The following ZBTB16 variants were observed in gnomAD, a reference collection of about 807,000 sequenced individuals.
ZBTB16 encodes the protein zinc finger and BTB domain-containing protein 16.
ZBTB16 carries 8 observed loss-of-function variants against 56.8 expected under a neutral mutation model. That is an observed-to-expected ratio of 0.14 (90% CI 0.08 to 0.25). The LOEUF (loss-of-function observed/expected upper bound fraction) is 0.25, where lower values mean the gene tolerates loss of function less well. Ranked by LOEUF, ZBTB16 falls within the 10% of genes least tolerant of loss-of-function variation. The pLI, the probability that ZBTB16 is intolerant of heterozygous loss-of-function variation, is 1.00. For synonymous variants in ZBTB16, 363 were observed against 368.5 expected (o/e 0.98, Z 0.17); for missense variants, 625 against 903.0 (o/e 0.69, Z 3.95).
intron 4 of ZBTB16, among the ~76,000 whole-genome samples, chr11:114,193,930 AC>A (rs1430841637): frequency 6.6e-6 from 1 of 152,234 alleles, no homozygotes; most frequent in Non-Finnish European, 1.5e-5. Flanking sequence ...GAAGTAGAGA[AC>A]TGGAACTTGA....
At chr11:114,247,145 T>C in intron 5 of ZBTB16, 53 bp from the exon 6 acceptor site, 1 of 1,613,812 alleles carries the variant, frequency 6.2e-7, no homozygotes, top group Non-Finnish European at 8.5e-7. Flanking sequence ...TACTGTCCCC[T>C]GAAGAGGGGG....
rs749511768 is a variant in ZBTB16 at position 114,250,519 on chromosome 11, G to C, written c.1986G>C (p.Arg662Ser). ...HKPEEIPPDW[R>S]IEKTYLYLCY... ...CCGAGGAGATCCCGCCCGACTGGAG[G>C]ATAGAGAAGACGTACCTCTACCTGT... Residue 662 changes from arginine to serine, a missense_variant, in exon 7 of 7, where the codon AGG becomes AGC. Transcript: ENST00000335953. The surrounding 1 kb of genome is among the most constrained non-coding windows in gnomAD (Gnocchi z 6.0). 2.1e-5 allele frequency: 34 copies of C among 1,614,082 alleles called. No individual in the cohort carries two copies. The highest frequency in any genetic ancestry group is 2.8e-5 in the Non-Finnish European group (33 of 1,180,036).
At chr11:114,086,604 TAG>T (rs1337593915) in intron 2 of ZBTB16, among the ~76,000 whole-genome samples, 7 of 152,214 alleles carry the variant, frequency 4.6e-5, no homozygotes, top group Non-Finnish European at 2.9e-5. Flanking sequence ...CAGTAAATAA[TAG>T]CTAATTGAGC....
At chr11:114,086,279 TCC>T (rs1939953987) in intron 2 of ZBTB16, among the ~76,000 whole-genome samples, 2 of 152,056 alleles carry the variant, frequency 1.3e-5, no homozygotes, top group Non-Finnish European at 2.9e-5. Context: ...CATTCACTAC[TCC>T]CCCACCCCCA....
At chr11:114,115,620 C>T (rs767513483) in intron 2 of ZBTB16, among the ~76,000 whole-genome samples, 5 of 152,266 alleles carry the variant, frequency 3.3e-5, no homozygotes, top group African/African-American at 9.6e-5. Flanking sequence ...CTTTCCTTCC[C>T]GTCTTTCTGA....
intron 4 of ZBTB16, among the ~76,000 whole-genome samples, chr11:114,233,125 A>ACACTCT (rs1443230792): frequency 7.3e-5 from 4 of 54,720 alleles, no homozygotes; most frequent in African/African-American, 2.1e-4. Flanking sequence ...ACACACACAC[A>ACACTCT]CTCTCTCTCT....
chr11:114,133,454 G>C (rs1941718435), intron 2 of ZBTB16, among the ~76,000 whole-genome samples: 1 of 152,112 alleles, frequency 6.6e-6, no homozygotes, highest in African/African-American at 2.4e-5. Context: ...CCTCTCCAAA[G>C]TTCACTCTGA....
At chr11:114,188,647 T>C (rs987083342) in intron 4 of ZBTB16, 2 of 152,206 alleles carry the variant, frequency 1.3e-5, no homozygotes, top group African/African-American at 4.8e-5. Flanking sequence ...TGGCACTGTT[T>C]AGGCATTTAA....
At chr11:114,161,351 C>T (rs904627459) in intron 3 of ZBTB16, among the ~76,000 whole-genome samples, 1 of 152,074 alleles carries the variant, frequency 6.6e-6, no homozygotes, top group African/African-American at 2.4e-5. Context: ...ATTTTTGGAG[C>T]CAGAGGATGT....
At chr11:114,170,750 C>A (rs533129646) in intron 3 of ZBTB16, among the ~76,000 whole-genome samples, 22 of 152,292 alleles carry the variant, frequency 1.4e-4, no homozygotes, top group African/African-American at 4.8e-4. Context: ...GCACAGGGAG[C>A]TCATTGGCGG....
rs1157994164 is a variant in ZBTB16, at chr11:114,063,195, C to G, written c.-90-16C>G. 7.8e-7 allele frequency: 1 copy of G among 1,284,646 alleles called. No individual in the cohort carries two copies. Among genetic ancestry groups the G allele is most frequent in the African/African-American group, 1.5e-5 (1 of 67,782 alleles). The allele number at this position is 1,284,646 out of a possible 1,614,324, so 79.6% of individuals were successfully genotyped here. On this transcript the variant is annotated splice_polypyrimidine_tract_variant and intron_variant, in intron 1 of 6. Coordinates refer to ENST00000335953, the MANE Select transcript of ZBTB16 (RefSeq NM_006006.6). The surrounding 1 kb of genome is among the most constrained non-coding windows in gnomAD (Gnocchi z 6.5). ...TCTCTCATCTCTTTTGCTTCTTCCC[C>G]TCTTCTTTCTCCTAGCCTCCTCTAT...
At chr11:114,149,779 C>T (rs1942238908) in intron 2 of ZBTB16, among the ~76,000 whole-genome samples, 1 of 152,206 alleles carries the variant, frequency 6.6e-6, no homozygotes, top group South Asian at 2.1e-4. Context: ...TCCCTTATGC[C>T]TTGAGAAAAT....
intron 2 of ZBTB16, among the ~76,000 whole-genome samples, chr11:114,133,207 A>G (rs1294769082): frequency 6.6e-6 from 1 of 151,904 alleles, no homozygotes; most frequent in Admixed American, 6.6e-5. Flanking sequence ...CTCTTGGTGG[A>G]CGGGTCCATT....
At chr11:114,079,900 G>T (rs1226902193) in intron 2 of ZBTB16, among the ~76,000 whole-genome samples, 1 of 152,158 alleles carries the variant, frequency 6.6e-6, no homozygotes, top group Non-Finnish European at 1.5e-5. Flanking sequence ...GATTGCCTGG[G>T]ACTGGGAAGA....
intron 4 of ZBTB16, among the ~76,000 whole-genome samples, chr11:114,214,679 C>G (rs1944060249): frequency 6.6e-6 from 1 of 152,170 alleles, no homozygotes; most frequent in Non-Finnish European, 1.5e-5. Flanking sequence ...TTTTGGCTCA[C>G]TGCAATCTCC....
intron 2 of ZBTB16, among the ~76,000 whole-genome samples, chr11:114,065,563 C>T (rs781562103): frequency 1.3e-5 from 2 of 152,250 alleles, no homozygotes; most frequent in South Asian, 2.1e-4. Flanking sequence ...ATTACAGGCA[C>T]GCACCACCAT....
intron 4 of ZBTB16, among the ~76,000 whole-genome samples, chr11:114,222,796 G>A (rs999725647): frequency 6.6e-6 from 1 of 152,146 alleles, no homozygotes; most frequent in Non-Finnish European, 1.5e-5. Context: ...CATATGCTGC[G>A]AAAATTGATC....
Position 114,225,870 on chromosome 11 carries a change from A to G in ZBTB16, c.1454-16297A>G, listed in dbSNP as rs1020582073. Among the ~76,000 whole-genome samples the G allele has an allele frequency of 3.3e-5, 5 of 152,332 alleles. No homozygotes were observed. In the South Asian group the frequency reaches 6.2e-4, roughly 19 times the overall value. ...CTAATCATGTGACACTGTGATAGAC[A>G]TTGTTCATATATTATCTCTAATCTG... On this transcript the variant is annotated intron_variant, in intron 4 of 6. Coordinates refer to ENST00000335953, the MANE Select transcript of ZBTB16 (RefSeq NM_006006.6).
rs1190243179 is a variant in ZBTB16 at position 114,063,264 on chromosome 11, G to A, written c.-37G>A. ...CAGCCCCGCCACGCAGAGCCCAGAA[G>A]GAAAGAAAGCCTCATGCCTGAGCCG... On this transcript the variant is annotated 5_prime_UTR_variant, in exon 2 of 7. Coordinates refer to ENST00000335953, the MANE Select transcript of ZBTB16 (RefSeq NM_006006.6). This position sits in a 1 kb window ranked among gnomAD's most constrained non-coding sequence, Gnocchi z 6.5. 2.5e-6 allele frequency: 4 copies of A among 1,610,620 alleles called. No individual in the cohort carries two copies. The highest frequency in any genetic ancestry group is 3.4e-6 in the Non-Finnish European group (4 of 1,179,258).
Sources: allele counts gnomAD v4.1 joint callset (sites outside exome capture counted in the v4.1 genomes callset), GRCh38; gene constraint gnomAD v4.1.1; non-coding constraint Gnocchi (gnomAD v3.1); transcripts MANE v1.5; gene names NCBI Gene and HGNC (gene_info 2026-07-23, HGNC 2026-07-21).